MTUS2: variants seen among roughly 807,000 people sequenced by gnomAD.
MTUS2 encodes the protein microtubule-associated tumor suppressor candidate 2.
Under a neutral mutation model 114.1 loss-of-function variants are expected in MTUS2, and 40 were observed. The ratio of observed to expected loss-of-function variants is 0.35; its 90% CI spans 0.27 to 0.46. The LOEUF (loss-of-function observed/expected upper bound fraction) is 0.46. Ranked by LOEUF, MTUS2 falls within the 20% of genes least tolerant of loss-of-function variation. MTUS2 has a pLI of 1.00. For missense variants in MTUS2, 1,679 were observed against 1,705.4 expected (o/e 0.98, Z 0.27); for synonymous variants, 688 against 672.0 (o/e 1.02, Z -0.37).
chr13:29,432,955 T>C (rs1877118523), intron 8 of MTUS2, among the ~76,000 whole-genome samples: 1 of 152,156 alleles, frequency 6.6e-6, no homozygotes, highest in Non-Finnish European at 1.5e-5. Context: ...GGAGGGTTAT[T>C]AGAGGAAGAT....
At chr13:29,256,038 G>A (rs549782366) in intron 5 of MTUS2, among the ~76,000 whole-genome samples, 1 of 152,326 alleles carries the variant, frequency 6.6e-6, no homozygotes, top group Admixed American at 6.5e-5. Flanking sequence ...AAAAGAGTTT[G>A]ACAGGCATCC....
intron 5 of MTUS2, among the ~76,000 whole-genome samples, chr13:29,198,383 T>C (rs975643473): frequency 6.6e-6 from 1 of 152,226 alleles, no homozygotes; most frequent in African/African-American, 2.4e-5. Context: ...TGGTTGTAGA[T>C]GTGTGGCATT....
chr13:29,210,920 G>A lies in MTUS2; in HGVS notation c.2645-70784G>A, dbSNP rs1344597978. On this transcript the variant is annotated intron_variant, in intron 5 of 15. Coordinates refer to ENST00000612955, the MANE Select transcript of MTUS2 (RefSeq NM_001033602.4). The stretch of plus-strand genomic sequence containing the variant: ...GGTTGGCCTCCAGCCAGGAGGTGAC[G>A]CTTTCAAGAGAGTCTCAGCCGCAGT... 5.3e-5 allele frequency among the ~76,000 whole-genome samples: 8 copies of A among 152,186 alleles called. No homozygotes were observed. In the East Asian group the frequency reaches 1.5e-3, roughly 29 times the overall value.
intron 2 of MTUS2, among the ~76,000 whole-genome samples, chr13:28,946,578 A>G (rs1882546256): frequency 2.0e-5 from 3 of 152,334 alleles, no homozygotes; most frequent in African/African-American, 7.2e-5. Context: ...TCCTTCAGGC[A>G]TATCAACATG....
intron 2 of MTUS2, among the ~76,000 whole-genome samples, chr13:28,962,667 G>T (rs1051112363): frequency 1.7e-4 from 26 of 152,070 alleles, no homozygotes; most frequent in African/African-American, 6.0e-4. Context: ...CCTTTTTTAG[G>T]TCTCCTTTGC....
At chr13:28,906,141 CTGTT>C (rs1879993455) in intron 2 of MTUS2, among the ~76,000 whole-genome samples, 1 of 151,254 alleles carries the variant, frequency 6.6e-6, no homozygotes, top group African/African-American at 2.4e-5. Context: ...TGATTCTTCT[CTGTT>C]TTCTTCTTTA....
intron 4 of MTUS2, among the ~76,000 whole-genome samples, chr13:29,047,218 A>G (rs990147997): frequency 2.0e-5 from 3 of 151,618 alleles, no homozygotes; most frequent in African/African-American, 7.2e-5. Context: ...CTTCTCTCTC[A>G]GTTTCTTCTT....
At chr13:28,995,364 G>A (rs1216224073) in intron 2 of MTUS2, among the ~76,000 whole-genome samples, 1 of 152,158 alleles carries the variant, frequency 6.6e-6, no homozygotes, top group Non-Finnish European at 1.5e-5. Flanking sequence ...TTTGGCTTAG[G>A]ATTGACTTGG....
intron 9 of MTUS2, among the ~76,000 whole-genome samples, chr13:29,462,496 T>C (rs904198215): frequency 3.9e-5 from 6 of 151,976 alleles, no homozygotes; most frequent in African/African-American, 1.4e-4. Context: ...TGAGAGATAG[T>C]GGTGGCTGCA....
At chr13:28,877,357 C>A (rs78341532) in intron 2 of MTUS2, among the ~76,000 whole-genome samples, 4 of 151,176 alleles carry the variant, frequency 2.6e-5, no homozygotes, top group African/African-American at 4.9e-5. Flanking sequence ...ATTTAAGTAG[C>A]CCGTTGTTAT....
intron 13 of MTUS2, chr13:29,497,601 A>G (rs1882635358): frequency 1.0e-5 from 5 of 499,864 alleles, no homozygotes; most frequent in East Asian, 3.5e-5. Flanking sequence ...TGGGGCTCCT[A>G]TGATAAGCAT....
At chr13:29,411,047 G>GT (rs1365811723) in intron 8 of MTUS2, among the ~76,000 whole-genome samples, 1 of 152,144 alleles carries the variant, frequency 6.6e-6, no homozygotes, top group Non-Finnish European at 1.5e-5. Flanking sequence ...GGCCCAGCTG[G>GT]TGTTGAACTC....
chr13:29,370,469 G>A (rs1871107939), intron 8 of MTUS2, among the ~76,000 whole-genome samples: 1 of 152,154 alleles, frequency 6.6e-6, no homozygotes, highest in Admixed American at 6.5e-5. Flanking sequence ...TGGAGACCCT[G>A]TCTCTTGAAA....
chr13:29,261,293 T>C (rs1897462739), intron 5 of MTUS2, among the ~76,000 whole-genome samples: 1 of 152,188 alleles, frequency 6.6e-6, no homozygotes. Context: ...TTTTTAAGAG[T>C]GCAAGAAATC....
chr13:29,332,170 C>T (rs904316282), intron 7 of MTUS2, among the ~76,000 whole-genome samples: 2 of 152,186 alleles, frequency 1.3e-5, no homozygotes, highest in Admixed American at 6.5e-5. Context: ...TAGAGTTTGG[C>T]TATGAATCCA....
At chr13:29,312,094 AG>A (rs1216628080) in intron 6 of MTUS2, among the ~76,000 whole-genome samples, 2 of 152,290 alleles carry the variant, frequency 1.3e-5, no homozygotes, top group East Asian at 3.9e-4. Context: ...CCTCTTGACA[AG>A]TCTCGCATAC....
intron 9 of MTUS2, among the ~76,000 whole-genome samples, chr13:29,479,441 G>T (rs1457684024): frequency 2.6e-5 from 4 of 152,342 alleles, no homozygotes; most frequent in Admixed American, 6.5e-5. Context: ...CAGGAGCGAT[G>T]GTGGCCGCTG....
intron 3 of MTUS2, among the ~76,000 whole-genome samples, chr13:29,032,584 T>A (rs1886877859): frequency 6.6e-6 from 1 of 152,228 alleles, no homozygotes; most frequent in Non-Finnish European, 1.5e-5. Context: ...TATAATTTGC[T>A]ATAGCCAAGG....
chr13:28,939,923 G>A (rs549988233), intron 2 of MTUS2, among the ~76,000 whole-genome samples: 49 of 152,170 alleles, frequency 3.2e-4, no homozygotes, highest in African/African-American at 1.1e-3. Context: ...CTTACGTGGC[G>A]GCAGGCAAGA....
Sources: gnomAD v4.1 joint callset for allele counts (sites outside exome capture counted in the v4.1 genomes callset) on GRCh38, gnomAD v4.1.1 for gene constraint, MANE v1.5 for transcripts, NCBI Gene and HGNC (gene_info 2026-07-23, HGNC 2026-07-21) for gene names.